Variants in COMT observed in about 807,000 individuals in gnomAD.
The protein encoded by COMT is catechol-O-methyltransferase, also known as catechol O-methyltransferase.
In COMT, 13 loss-of-function variants were observed where a neutral mutation model predicts 18.9. The ratio of observed to expected loss-of-function variants is 0.69; its 90% CI spans 0.45 to 1.09. The LOEUF (loss-of-function observed/expected upper bound fraction) is 1.09, where lower values mean the gene tolerates loss of function less well. COMT is among the 50% of genes least tolerant of loss of function. The pLI is 0.00. For missense variants in COMT, 329 were observed against 361.8 expected, an observed-to-expected ratio of 0.91 and a Z score of 0.73; for synonymous variants, 150 against 160.9, an observed-to-expected ratio of 0.93 and a Z score of 0.51.
intron 4 of COMT, 190 bp downstream of exon 4, chr22:19,963,949 C>G: frequency 8.5e-7 from 1 of 1,171,192 alleles, no homozygotes; most frequent in Non-Finnish European, 1.2e-6. Flanking sequence ...GAGGGTCTCA[C>G]AGCTCTGGGT....
chr22:19,951,205 A>C (rs1178883866), intron 1 of COMT, among the ~76,000 whole-genome samples: 1 of 152,046 alleles, frequency 6.6e-6, no homozygotes, highest in East Asian at 1.9e-4. Flanking sequence ...TAAAAATACA[A>C]AAAATTAGCC....
At chr22:19,958,166 ATTTTT>A (rs361708) in intron 1 of COMT, among the ~76,000 whole-genome samples, 2 of 139,322 alleles carry the variant, frequency 1.4e-5, no homozygotes, top group Non-Finnish European at 3.1e-5. Context: ...AGCATGTTTA[ATTTTT>A]TTTTTTTTTT....
intron 1 of COMT, among the ~76,000 whole-genome samples, chr22:19,959,102 C>G (rs1942131631): frequency 6.6e-6 from 1 of 152,190 alleles, no homozygotes; most frequent in African/African-American, 2.4e-5. Flanking sequence ...GAGTCGGACA[C>G]TGAGCTGGCG....
At chr22:19,964,515 G>T in intron 5 of COMT, 1 of 733,554 alleles carries the variant, frequency 1.4e-6, no homozygotes. Context: ...TGGCTGGGTG[G>T]CCTGTTGGGA....
chr22:19,959,910 C>T (rs1248885130), intron 1 of COMT, among the ~76,000 whole-genome samples: 2 of 152,072 alleles, frequency 1.3e-5, no homozygotes, highest in Non-Finnish European at 2.9e-5. Flanking sequence ...GCCACAGAGC[C>T]GCGGGCAGGT....
At chr22:19,957,782 C>T (rs1307479330) in intron 1 of COMT, among the ~76,000 whole-genome samples, 3 of 152,250 alleles carry the variant, frequency 2.0e-5, no homozygotes, top group African/African-American at 7.2e-5. Flanking sequence ...GAATGTGGAC[C>T]TCACGGGGGT....
At chr22:19,945,575 A>G (rs201173949) in intron 1 of COMT, among the ~76,000 whole-genome samples, 2 of 90,774 alleles carry the variant, frequency 2.2e-5, no homozygotes, top group South Asian at 7.6e-4. Flanking sequence ...GGCCGGAAGA[A>G]AAAGATAATT....
Position 19,968,869 on chromosome 22 carries a change from CCT to C in COMT, c.*134_*135del. 1 of 794,032 alleles carries C rather than the reference CCT, an allele frequency of 1.3e-6. No homozygotes were observed. Among genetic ancestry groups the C allele is most frequent in the South Asian group, 1.5e-5 (1 of 66,550 alleles). The allele number at this position is 794,032 out of a possible 1,614,324, so 49.2% of individuals were successfully genotyped here. ...AGCACACCTCGGCCGAGGCCTGCGC[CCT>C]GACATGCTAACCTCTCTGAACTGCA... is the stretch of plus-strand genomic sequence containing the variant. On this transcript the variant is annotated 3_prime_UTR_variant, in exon 6 of 6. Transcript: ENST00000361682.
chr22:19,967,332 C>T (rs1206520641), intron 5 of COMT: 2 of 645,786 alleles, frequency 3.1e-6, no homozygotes, highest in Non-Finnish European at 2.6e-6. Context: ...AAGGCCTAGG[C>T]CATTGTCCTC....
rs770045596 is a variant in COMT, at chr22:19,963,606, C to T, written c.330C>T (p.Ser110=). 3.5e-5 allele frequency: 56 copies of T among 1,612,846 alleles called. 1 individual carries two copies. Among genetic ancestry groups the T allele is most frequent in the East Asian group, 1.8e-4 (8 of 44,880 alleles). Residue 110 remains serine (S), a synonymous_variant, in exon 4 of 6, where the codon TCC becomes TCT. Transcript: ENST00000361682. ...CCGTGATTCAGGAGCACCAGCCCTCCGTGCTGCTGGAGCTGGGGGCCTACT... is the reference window on the plus strand; with the variant it reads ...CCGTGATTCAGGAGCACCAGCCCTCTGTGCTGCTGGAGCTGGGGGCCTACT... The part of the protein sequence containing the change: ...VDAVIQEHQP[S]VLLELGAYCG...
rs150613172 is a variant in COMT, at chr22:19,955,905, A to T, written c.-91-5294A>T. Among the ~76,000 whole-genome samples the T allele has an allele frequency of 5.1e-3, 773 of 152,220 alleles. 7 individuals are homozygous for T. Among genetic ancestry groups the T allele is most frequent in the African/African-American group, 0.018 (750 of 41,530 alleles). On this transcript the variant is annotated intron_variant, in intron 1 of 5. Transcript: ENST00000361682. Reference sequence around the variant, plus strand: ...TCAGAGCACAACCTGAGGTCTCCTGAGCTTGCTGTGCAGCCCAGTCTTTCT... The same window carrying T: ...TCAGAGCACAACCTGAGGTCTCCTGTGCTTGCTGTGCAGCCCAGTCTTTCT...
chr22:19,958,605 G>T (rs1465460837), intron 1 of COMT, among the ~76,000 whole-genome samples: 1 of 146,484 alleles, frequency 6.8e-6, no homozygotes, highest in Non-Finnish European at 1.5e-5. Context: ...AGCCAGCTGG[G>T]CACGGTGGCT....
intron 1 of COMT, among the ~76,000 whole-genome samples, chr22:19,948,363 C>G (rs866465072): frequency 2.0e-5 from 3 of 152,154 alleles, no homozygotes; most frequent in African/African-American, 7.2e-5. Flanking sequence ...GAGATCAAGA[C>G]AATGTCACAG....
rs958149405 is a variant in COMT at position 19,968,439 on chromosome 22, G to A, written c.616-97G>A. Reference sequence around the variant, plus strand: ...GGCCCCAGGGGCTAGGCACAGGCGTGGTGCCGTGGCCTAGTGAGGAGCACC... The same window carrying A: ...GGCCCCAGGGGCTAGGCACAGGCGTAGTGCCGTGGCCTAGTGAGGAGCACC... On this transcript the variant is annotated intron_variant, in intron 5 of 5. Transcript: ENST00000361682. The A allele has an allele frequency of 5.9e-6, 7 of 1,189,806 alleles. No individual in the cohort carries two copies. In the Admixed American group the frequency reaches 7.8e-5, roughly 13 times the overall value. The allele number at this position is 1,189,806 out of a possible 1,614,324, so 73.7% of individuals were successfully genotyped here.
Position 19,968,853 on chromosome 22 carries a change from C to G in COMT, c.*117C>G. Reference sequence around the variant, plus strand: ...TGTGTCCTAAATGCAAAGCACACCTCGGCCGAGGCCTGCGCCCTGACATGC... The same window carrying G: ...TGTGTCCTAAATGCAAAGCACACCTGGGCCGAGGCCTGCGCCCTGACATGC... On this transcript the variant is annotated 3_prime_UTR_variant, in exon 6 of 6. Transcript: ENST00000361682. 1.1e-6 allele frequency: 1 copy of G among 946,118 alleles called. No homozygotes were observed. Among genetic ancestry groups the G allele is most frequent in the East Asian group, 2.6e-5 (1 of 38,112 alleles). The allele number at this position is 946,118 out of a possible 1,614,324, so 58.6% of individuals were successfully genotyped here.
intron 4 of COMT, 68 bp downstream of exon 4, chr22:19,963,827 C>CT: frequency 6.6e-7 from 1 of 1,516,400 alleles, no homozygotes. Flanking sequence ...GGCATGCGCA[C>CT]TTTGTCCTCC....
intron 5 of COMT, chr22:19,964,736 C>A: frequency 2.2e-6 from 1 of 463,288 alleles, no homozygotes; most frequent in African/African-American, 2.0e-5. Context: ...GAGGCCCCAT[C>A]TTGTGCATTC....
chr22:19,948,980 T>A (rs28600912), intron 1 of COMT, among the ~76,000 whole-genome samples: 1 of 135,180 alleles, frequency 7.4e-6, no homozygotes, highest in South Asian at 2.4e-4. Flanking sequence ...AAAAAAAAAA[T>A]TTAAAGAAAC....
At chr22:19,960,051 G>A (rs1942159863) in intron 1 of COMT, among the ~76,000 whole-genome samples, 1 of 152,204 alleles carries the variant, frequency 6.6e-6, no homozygotes, top group African/African-American at 2.4e-5. Context: ...CCTCCCCTCT[G>A]CTGCCTCCCA....
Sources: gnomAD v4.1 joint callset for allele counts (sites outside exome capture counted in the v4.1 genomes callset) on GRCh38, gnomAD v4.1.1 for gene constraint, MANE v1.5 for transcripts, NCBI Gene and HGNC (gene_info 2026-07-23, HGNC 2026-07-21) for gene names.